MEP1B: variants seen among roughly 807,000 people sequenced by gnomAD.
MEP1B encodes meprin A subunit beta, also known as N-benzoyl-L-tyrosyl-P-amino-benzoic acid hydrolase subunit beta.
Under a neutral mutation model 84.6 loss-of-function variants are expected in MEP1B, and 80 were observed. The ratio of observed to expected loss-of-function variants is 0.95; its 90% CI spans 0.79 to 1.14. MEP1B has a LOEUF of 1.14. Among genes scored for constraint, MEP1B ranks in the 50% most tolerant of loss-of-function variants. The pLI is 0.00. For synonymous variants in MEP1B, 273 were observed against 288.1 expected, an observed-to-expected ratio of 0.95 and a Z score of 0.53; for missense variants, 766 against 855.1, an observed-to-expected ratio of 0.90 and a Z score of 1.30.
chr18:32,217,667 T>A, intron 13 of MEP1B, 94 bp from the exon 14 acceptor site: 1 of 1,032,494 alleles, frequency 9.7e-7, no homozygotes, highest in Non-Finnish European at 1.5e-6. Context: ...CTATTGGTGA[T>A]CAAATAGACT....
intron 11 of MEP1B, among the ~76,000 whole-genome samples, chr18:32,214,733 A>T (rs1181393492): frequency 6.6e-6 from 1 of 152,336 alleles, no homozygotes; most frequent in African/African-American, 2.4e-5. Context: ...GGACTCTCTT[A>T]GTAGCCTTGA....
chr18:32,217,238 T>C, intron 13 of MEP1B, 121 bp downstream of exon 13: 1 of 1,182,700 alleles, frequency 8.5e-7, no homozygotes, highest in Non-Finnish European at 1.1e-6. Flanking sequence ...CTCACAGCCA[T>C]TCATAGAATT....
rs9950695 is a variant in MEP1B at position 32,195,570 on chromosome 18, A to G, written c.250+85A>G. On this transcript the variant is annotated intron_variant, in intron 5 of 14. Transcript: ENST00000269202. ...AGTGTTTCAAAGGGTGGGCTTATATAGTCTTTAAGGTTTTGTTTGGTTTGC... is the reference window on the plus strand; with the variant it reads ...AGTGTTTCAAAGGGTGGGCTTATATGGTCTTTAAGGTTTTGTTTGGTTTGC... The G allele has an allele frequency of 0.01, 8,873 of 885,982 alleles. 483 individuals are homozygous for G. In the African/African-American group the frequency reaches 0.12, roughly 12 times the overall value. The allele number at this position is 885,982 out of a possible 1,614,324, so 54.9% of individuals were successfully genotyped here.
In MEP1B at chr18:32,216,490, G is replaced by T. The variant is rs191056684; in HGVS notation, c.1760-501G>T. Among the ~76,000 whole-genome samples, 4 of 152,306 alleles carry T rather than the reference G, an allele frequency of 2.6e-5. No homozygotes were observed. The East Asian group carries it at 7.7e-4, about 29-fold the overall frequency. Reference sequence around the variant, plus strand: ...CCAAGCCAGAGACCTGTGACCTTGGGCAATGCCCTCAATTACTTTACATTT... The same window carrying T: ...CCAAGCCAGAGACCTGTGACCTTGGTCAATGCCCTCAATTACTTTACATTT... On this transcript the variant is annotated intron_variant, in intron 12 of 14. Transcript: ENST00000269202.
intron 11 of MEP1B, among the ~76,000 whole-genome samples, chr18:32,214,881 C>A (rs189804444): frequency 6.6e-6 from 1 of 152,280 alleles, no homozygotes; most frequent in East Asian, 1.9e-4. Context: ...GTGGTCCTCC[C>A]TGCCAGGCAA....
chr18:32,213,667 C>G lies in MEP1B; in HGVS notation c.1579+108C>G, dbSNP rs2041054846. 8.6e-6 allele frequency: 7 copies of G among 810,096 alleles called. No homozygotes were observed. In the East Asian group the frequency reaches 1.7e-4, roughly 20 times the overall value. The allele number at this position is 810,096 out of a possible 1,614,324, so 50.2% of individuals were successfully genotyped here. ...AGTTAGTTACCTAGGGAATTTTGAG[C>G]CCCAAATCTTAAGAACAGATATTTA... On this transcript the variant is annotated intron_variant, in intron 11 of 14. Transcript: ENST00000269202.
chr18:32,215,206 G>A lies in MEP1B; in HGVS notation c.1704G>A (p.Leu568=), dbSNP rs777404449. The A allele has an allele frequency of 9.9e-6, 16 of 1,610,010 alleles. No individual in the cohort carries two copies. The highest frequency in any genetic ancestry group is 1.4e-5 in the Non-Finnish European group (16 of 1,178,422). ...GTSAFITHER[L]KSRDFIKGDD... is the part of the protein sequence containing the mutation. ...GTGCCTTTATAACCCACGAAAGGCTGAAAAGCAGAGATTTTATAAAAGGAG... is the reference window on the plus strand; with the variant it reads ...GTGCCTTTATAACCCACGAAAGGCTAAAAAGCAGAGATTTTATAAAAGGAG... Residue 568 remains leucine, a synonymous_variant, in exon 12 of 15, where the codon CTG becomes CTA. Transcript: ENST00000269202.
Position 32,192,948 on chromosome 18 carries a change from C to A in MEP1B, c.171+131C>A, listed in dbSNP as rs893089826. 2.3e-5 allele frequency: 15 copies of A among 655,232 alleles called. No homozygotes were observed. The African/African-American group carries it at 2.4e-4, about 10-fold the overall frequency. The allele number at this position is 655,232 out of a possible 1,614,324, so 40.6% of individuals were successfully genotyped here. ...CTCTAAGGGTGCAGAATCATGGTGA[C>A]ACATTTATTCAATGAATATATTATA... is the stretch of plus-strand genomic sequence containing the variant. On this transcript the variant is annotated intron_variant, in intron 4 of 14. Coordinates refer to ENST00000269202, the MANE Select transcript of MEP1B (RefSeq NM_005925.3).
chr18:32,213,287 AT>A lies in MEP1B; in HGVS notation c.1310del (p.Phe437SerfsTer29). On this transcript the variant is annotated frameshift_variant, in exon 11 of 15. Transcript: ENST00000269202. LOFTEE classifies it high-confidence loss of function. ...CCTCATCATATCTGGCATATAAGGA[AT>A]TTCACACAGTTCATTGGCAGCCCAA... ...RCPHHIWHIRNFTQFIGSPNG... is the reference protein window; with the variant it reads ...RCPHHIWHIRXFTQFIGSPNG... 6.2e-7 allele frequency: 1 copy of A among 1,613,954 alleles called. No individual in the cohort carries two copies. The highest frequency in any genetic ancestry group is 8.5e-7 in the Non-Finnish European group (1 of 1,179,870).
In MEP1B at chr18:32,213,385, C is replaced by T. The variant is rs1266596667; in HGVS notation, c.1405C>T (p.His469Tyr). ...CTTTCAGATTTACTTAAATCTAGCC[C>T]ATGTGACTAATGCAGGGATATATTT... The part of the protein sequence containing the change: ...YAFQIYLNLA[H>Y]VTNAGIYFHL... The change falls in exon 11 of 15, where the codon CAT becomes TAT. Residue 469 changes from histidine to tyrosine, a missense_variant. Transcript: ENST00000269202. 1 of 1,613,814 alleles carries T rather than the reference C, an allele frequency of 6.2e-7. No individual in the cohort carries two copies. The highest frequency in any genetic ancestry group is 2.2e-5 in the East Asian group (1 of 44,886).
intron 5 of MEP1B, among the ~76,000 whole-genome samples, chr18:32,202,427 T>C (rs1265252734): frequency 1.3e-5 from 2 of 152,154 alleles, no homozygotes; most frequent in African/African-American, 4.8e-5. Context: ...GCACTTTGCA[T>C]TTGTAGATAT....
intron 2 of MEP1B, 50 bp from the exon 3 acceptor site, chr18:32,192,596 C>T (rs201584205): frequency 1.1e-5 from 17 of 1,564,430 alleles, no homozygotes; most frequent in Admixed American, 3.4e-5. Flanking sequence ...AGGTTTTCTC[C>T]TTTTATAAAC....
rs773121708 is a variant in MEP1B at position 32,190,142 on chromosome 18, A to G, written c.63+9A>G. On this transcript the variant is annotated intron_variant, in intron 1 of 14. Coordinates refer to ENST00000269202, the MANE Select transcript of MEP1B (RefSeq NM_005925.3). Reference sequence around the variant, plus strand: ...TCGTGATTTCTGGCTTGGTAAGGAAACAGTATATAGAAGATAATTTAAAAA... The same window carrying G: ...TCGTGATTTCTGGCTTGGTAAGGAAGCAGTATATAGAAGATAATTTAAAAA... 13 of 1,609,062 alleles carry G rather than the reference A, an allele frequency of 8.1e-6. No homozygotes were observed. The Admixed American group carries it at 1.8e-4, about 23-fold the overall frequency.
At chr18:32,198,857 GA>G (rs1352391725) in intron 5 of MEP1B, among the ~76,000 whole-genome samples, 2 of 152,150 alleles carry the variant, frequency 1.3e-5, no homozygotes, top group African/African-American at 4.8e-5. Flanking sequence ...AGACCAGTTA[GA>G]AAACTACTGA....
At chr18:32,192,087 T>C (rs754940661) in intron 2 of MEP1B, among the ~76,000 whole-genome samples, 29 of 152,222 alleles carry the variant, frequency 1.9e-4, no homozygotes, top group South Asian at 6.2e-4. Flanking sequence ...ATCCCATAAA[T>C]GCTTGCTATT....
In MEP1B at chr18:32,204,178, T is replaced by G. The variant is rs1350100354; in HGVS notation, c.369-4T>G. On this transcript the variant is annotated splice_region_variant and splice_polypyrimidine_tract_variant and intron_variant, in intron 6 of 14. Coordinates refer to ENST00000269202, the MANE Select transcript of MEP1B (RefSeq NM_005925.3). The stretch of plus-strand genomic sequence containing the variant: ...TCCCCCTTTCTTGTAAACTCTCCTG[T>G]AAGCTGCTGGTCTTCAGTAGGAAAT... The G allele has an allele frequency of 6.2e-7, 1 of 1,602,944 alleles. No homozygotes were observed. The highest frequency in any genetic ancestry group is 1.7e-4 in the Middle Eastern group (1 of 6,046).
chr18:32,199,712 T>TTCCTTCC (rs2040892863), intron 5 of MEP1B, among the ~76,000 whole-genome samples: 4 of 115,652 alleles, frequency 3.5e-5, no homozygotes, highest in East Asian at 2.2e-4. Flanking sequence ...TCCTTCCTTC[T>TTCCTTCC]TTCTTTTTTG....
rs1481407596 is a variant in MEP1B, at chr18:32,196,577, G to A, written c.250+1092G>A. On this transcript the variant is annotated intron_variant, in intron 5 of 14. Coordinates refer to ENST00000269202, the MANE Select transcript of MEP1B (RefSeq NM_005925.3). The surrounding 1 kb of genome is among the most constrained non-coding windows in gnomAD (Gnocchi z 4.4). ...GGTACTTGGTGCTGACGGCCAGCGC[G>A]TTGTCCAGGAAGCACAGCGACAGGT... 15 of 717,034 alleles carry A rather than the reference G, an allele frequency of 2.1e-5. No individual in the cohort carries two copies. Among genetic ancestry groups the A allele is most frequent in the East Asian group, 5.2e-5 (2 of 38,744 alleles). 44.4% of individuals were successfully genotyped at this position (717,034 alleles called of 1,614,324 possible).
At chr18:32,218,926 T>C (rs544700430) in intron 14 of MEP1B, among the ~76,000 whole-genome samples, 1 of 152,226 alleles carries the variant, frequency 6.6e-6, no homozygotes, top group East Asian at 1.9e-4. Context: ...AGCAGTAGAG[T>C]ACAGAGTTTT....
Sources: gnomAD v4.1 joint callset for allele counts (sites outside exome capture counted in the v4.1 genomes callset) on GRCh38, gnomAD v4.1.1 for gene constraint, Gnocchi (gnomAD v3.1) non-coding constraint, MANE v1.5 for transcripts, NCBI Gene and HGNC (gene_info 2026-07-23, HGNC 2026-07-21) for gene names.